RBMS3: variants seen among roughly 807,000 people sequenced by gnomAD.
RBMS3 encodes the protein RNA binding motif single stranded interacting protein 3, also known as RNA-binding motif, single-stranded-interacting protein 3.
A neutral mutation model predicts 66.8 loss-of-function variants in RBMS3; 27 were observed. The observed-to-expected ratio is 0.40, with a 90% CI of 0.30 to 0.56. The LOEUF (loss-of-function observed/expected upper bound fraction) is 0.56, where lower values mean the gene tolerates loss of function less well. Among genes scored for constraint, RBMS3 ranks in the 20% least tolerant of loss-of-function variants. The probability of loss-of-function intolerance (pLI) is 0.40; values close to 1 mark genes in which losing one functional copy is unlikely to be tolerated. For missense variants in RBMS3, 513 were observed against 549.5 expected (o/e 0.93, Z 0.66); for synonymous variants, 188 against 183.0 (o/e 1.03, Z -0.22).
At chr3:29,878,217 G>C (rs1056116557) in intron 7 of RBMS3, among the ~76,000 whole-genome samples, 7 of 152,044 alleles carry the variant, frequency 4.6e-5, no homozygotes, top group African/African-American at 1.7e-4. Context: ...CTTGCCTGCT[G>C]CTCACCTCCT....
At chr3:29,546,453 A>G (rs1423947911) in intron 3 of RBMS3, among the ~76,000 whole-genome samples, 1 of 152,156 alleles carries the variant, frequency 6.6e-6, no homozygotes, top group Non-Finnish European at 1.5e-5. Context: ...ATACGTACAC[A>G]TGAAAAATGG....
At chr3:29,314,731 A>T (rs2034576774) in intron 1 of RBMS3, among the ~76,000 whole-genome samples, 1 of 151,716 alleles carries the variant, frequency 6.6e-6, no homozygotes, top group African/African-American at 2.4e-5. Flanking sequence ...ACTTTGATTT[A>T]AGTATTTAAA....
intron 4 of RBMS3, among the ~76,000 whole-genome samples, chr3:29,628,711 G>A (rs1480205113): frequency 6.6e-5 from 10 of 151,876 alleles, no homozygotes; most frequent in Non-Finnish European, 1.2e-4. Flanking sequence ...TTGTTTTTAC[G>A]CTGACAGCAC....
chr3:29,417,911 C>A (rs9835133), intron 1 of RBMS3, among the ~76,000 whole-genome samples: 53,723 of 151,874 alleles, frequency 0.35, 9,823 homozygotes, highest in East Asian at 0.51. Flanking sequence ...CAAATGTAAA[C>A]ATTATTTTTA....
intron 1 of RBMS3, among the ~76,000 whole-genome samples, chr3:29,381,125 G>A (rs2038745612): frequency 6.6e-6 from 1 of 152,150 alleles, no homozygotes; most frequent in Non-Finnish European, 1.5e-5. Context: ...CTGTGAGGAA[G>A]TGAGTATGAG....
intron 4 of RBMS3, among the ~76,000 whole-genome samples, chr3:29,673,247 A>T (rs2051084050): frequency 6.6e-6 from 1 of 152,230 alleles, no homozygotes; most frequent in Non-Finnish European, 1.5e-5. Flanking sequence ...CATTTGAAGC[A>T]GTGTGTAGAG....
At chr3:29,779,874 A>T (rs2371822) in intron 6 of RBMS3, among the ~76,000 whole-genome samples, 96,502 of 146,882 alleles carry the variant, frequency 0.66, 31,928 homozygotes, top group East Asian at 0.88. Context: ...TTTTTTTTTT[A>T]ATTCAATAAA....
intron 12 of RBMS3, among the ~76,000 whole-genome samples, chr3:29,976,017 TTGTAATATAGAAGTTTTCATTGCCTTCTC>T (rs1697558287): frequency 6.6e-6 from 1 of 151,996 alleles, no homozygotes; most frequent in Non-Finnish European, 1.5e-5. Flanking sequence ...ATTTTCTAAT[TTGTAATATAGAAGTTTTCATTGCCTTCTC>T]TCATATTTCT....
At chr3:29,419,913 C>T (rs1320096317) in intron 1 of RBMS3, among the ~76,000 whole-genome samples, 2 of 152,134 alleles carry the variant, frequency 1.3e-5, no homozygotes, top group Non-Finnish European at 2.9e-5. Context: ...TGTATCATTA[C>T]TATTGTAGTT....
In RBMS3 at chr3:29,910,439, G is replaced by A. The variant is rs182484263; in HGVS notation, c.939+10684G>A. Among the ~76,000 whole-genome samples the A allele has an allele frequency of 3.9e-5, 6 of 152,216 alleles. No homozygotes were observed. In the East Asian group the frequency reaches 1.2e-3, roughly 29 times the overall value. ...GAAGTATTTGGGTATTCATTAAATA[G>A]ATGATCAGAAACGGGTTCACATATT... On this transcript the variant is annotated intron_variant, in intron 10 of 14. Transcript: ENST00000383767.
Position 29,769,701 on chromosome 3 carries a change from C to T in RBMS3, c.637+6712C>T, listed in dbSNP as rs185458037. Among the ~76,000 whole-genome samples the T allele has an allele frequency of 2.1e-4, 32 of 151,736 alleles. No homozygotes were observed. The East Asian group carries it at 5.7e-3, about 27-fold the overall frequency. On this transcript the variant is annotated intron_variant, in intron 6 of 14. Coordinates refer to ENST00000383767, the MANE Select transcript of RBMS3 (RefSeq NM_001003793.3). ...TAGCTCAAGGGCTGTATGCTTAGCT[C>T]TGTACATTCTCACTAAATACTCTTT...
intron 7 of RBMS3, among the ~76,000 whole-genome samples, chr3:29,871,993 C>A (rs775417117): frequency 3.6e-4 from 54 of 149,348 alleles, no homozygotes; most frequent in Non-Finnish European, 3.0e-5. Flanking sequence ...ATGCTAGTGG[C>A]CATGTTCTAC....
chr3:29,360,013 A>T (rs895877985), intron 1 of RBMS3, among the ~76,000 whole-genome samples: 3 of 151,876 alleles, frequency 2.0e-5, no homozygotes, highest in Non-Finnish European at 4.4e-5. Flanking sequence ...GGATTCATTG[A>T]TTTTTGGAAG....
intron 10 of RBMS3, among the ~76,000 whole-genome samples, chr3:29,932,577 C>A (rs1189529508): frequency 1.3e-5 from 2 of 152,178 alleles, no homozygotes; most frequent in African/African-American, 4.8e-5. Context: ...AATATTAATG[C>A]AGCTAGTTCT....
intron 12 of RBMS3, among the ~76,000 whole-genome samples, chr3:29,951,904 T>A (rs1695705148): frequency 6.6e-6 from 1 of 151,766 alleles, no homozygotes; most frequent in African/African-American, 2.4e-5. Context: ...TTTTGAGGCC[T>A]AAAACATACA....
intron 4 of RBMS3, among the ~76,000 whole-genome samples, chr3:29,599,139 G>A (rs1224085849): frequency 1.3e-5 from 2 of 150,166 alleles, no homozygotes; most frequent in Non-Finnish European, 3.0e-5. Flanking sequence ...CAAGCATGGT[G>A]GGCAGAGAGT....
intron 4 of RBMS3, among the ~76,000 whole-genome samples, chr3:29,637,654 A>AT (rs2049523972): frequency 6.6e-6 from 1 of 151,902 alleles, no homozygotes; most frequent in South Asian, 2.1e-4. Context: ...TTGCATGTAC[A>AT]GGCAGCTTAA....
At chr3:29,374,195 G>A (rs1157849138) in intron 1 of RBMS3, among the ~76,000 whole-genome samples, 1 of 152,200 alleles carries the variant, frequency 6.6e-6, no homozygotes, top group Non-Finnish European at 1.5e-5. Flanking sequence ...CTAACATTGT[G>A]AAGATGGATC....
chr3:29,742,336 A>G (rs1232509783), intron 5 of RBMS3, among the ~76,000 whole-genome samples: 5 of 152,116 alleles, frequency 3.3e-5, no homozygotes, highest in Non-Finnish European at 7.4e-5. Flanking sequence ...GAGCCCTTCA[A>G]TATTCAAATC....
Sources: gnomAD v4.1 joint callset for allele counts (sites outside exome capture counted in the v4.1 genomes callset) on GRCh38, gnomAD v4.1.1 for gene constraint, MANE v1.5 for transcripts, NCBI Gene and HGNC (gene_info 2026-07-23, HGNC 2026-07-21) for gene names.